MAP3K6: variants seen among roughly 807,000 people sequenced by gnomAD.
MAP3K6 encodes the protein apoptosis signal-regulating kinase 2.
In MAP3K6, 105 loss-of-function variants were observed where a neutral mutation model predicts 147.1. The observed-to-expected ratio is 0.71, with a 90% CI of 0.61 to 0.84. The LOEUF (loss-of-function observed/expected upper bound fraction) is 0.84, where lower values mean the gene tolerates loss of function less well. Among genes scored for constraint, MAP3K6 ranks in the 40% least tolerant of loss-of-function variants. The pLI is 0.00. For synonymous variants in MAP3K6, 695 were observed against 732.4 expected, an observed-to-expected ratio of 0.95 and a Z score of 0.82; for missense variants, 1,569 against 1,715.0, an observed-to-expected ratio of 0.91 and a Z score of 1.50.
Position 27,363,766 on chromosome 1 carries a change from T to C in MAP3K6, c.864+151A>G, listed in dbSNP as rs1428257358. On this transcript the variant is annotated intron_variant, in intron 5 of 28. Coordinates refer to ENST00000357582, the MANE Select transcript of MAP3K6 (RefSeq NM_004672.5). ...GCCCCAGGAGGCAGCGACATGCTCA[T>C]CCTCTCTAACAAATAAGGAGGCCAA... The C allele has an allele frequency of 1.3e-5, 11 of 870,408 alleles. No individual in the cohort carries two copies. The East Asian group carries it at 3.0e-4, about 23-fold the overall frequency. 53.9% of individuals were successfully genotyped at this position (870,408 alleles called of 1,614,324 possible). A position where few individuals can be genotyped will look rare whatever the true frequency, so the allele number is the denominator to read the frequency against.
intron 13 of MAP3K6, 33 bp downstream of exon 13, chr1:27,361,124 C>T (rs763838125): frequency 3.2e-6 from 5 of 1,575,144 alleles, no homozygotes; most frequent in South Asian, 1.2e-5. Flanking sequence ...CATCCTGGCC[C>T]TCAGAGTACC....
chr1:27,364,504 G>C lies in MAP3K6; in HGVS notation c.505-110C>G. The C allele has an allele frequency of 6.5e-7, 1 of 1,538,818 alleles. No individual in the cohort carries two copies. The highest frequency in any genetic ancestry group is 9.0e-7 in the Non-Finnish European group (1 of 1,114,040). ...CAGTGGGAATTGGAATCGCAGGAAA[G>C]GGGCACCCGTCATGAGAGGAGGCAA... is the stretch of plus-strand genomic sequence containing the variant. On this transcript the variant is annotated intron_variant, in intron 3 of 28. Transcript: ENST00000357582. This position sits in a 1 kb window ranked among gnomAD's most constrained non-coding sequence, Gnocchi z 4.4.
At position 27,359,781 on chromosome 1, in the gene MAP3K6, T is replaced by G. The variant is rs964246149; in HGVS notation, c.2319+77A>C. On this transcript the variant is annotated intron_variant, in intron 17 of 28. Coordinates refer to ENST00000357582, the MANE Select transcript of MAP3K6 (RefSeq NM_004672.5). This position sits in a 1 kb window ranked among gnomAD's most constrained non-coding sequence, Gnocchi z 4.4. ...ACAGGTCTGCTCACTTAATCTAAAC[T>G]GCCAGCCTGCGTCTGGGACCATGTT... 11 of 1,595,334 alleles carry G rather than the reference T, an allele frequency of 6.9e-6. No homozygotes were observed. Among genetic ancestry groups the G allele is most frequent in the Non-Finnish European group, 9.4e-6 (11 of 1,167,136 alleles).
intron 5 of MAP3K6, 131 bp from the exon 6 acceptor site, chr1:27,363,679 G>A: frequency 1.2e-6 from 1 of 802,646 alleles, no homozygotes. Flanking sequence ...AGGCCCAGCG[G>A]ACACACCTCA....
Position 27,360,782 on chromosome 1 carries a change from A to G in MAP3K6, c.1977T>C (p.Tyr659=), listed in dbSNP as rs1454711371. 1.2e-6 allele frequency: 2 copies of G among 1,612,522 alleles called. No individual in the cohort carries two copies. The highest frequency in any genetic ancestry group is 1.1e-5 in the South Asian group (1 of 91,082). Reference sequence around the variant, plus strand: ...GATCGCGGCCCGCGTACACCACCCCATACGTGCCCTTGCCCAGCACCAGCC... The same window carrying G: ...GATCGCGGCCCGCGTACACCACCCCGTACGTGCCCTTGCCCAGCACCAGCC... ...GERLVLGKGT[Y]GVVYAGRDRH... Residue 659 remains tyrosine (Y), a synonymous_variant, in exon 15 of 29, where the codon TAT becomes TAC. Coordinates refer to ENST00000357582, the MANE Select transcript of MAP3K6 (RefSeq NM_004672.5). This position sits in a 1 kb window ranked among gnomAD's most constrained non-coding sequence, Gnocchi z 4.5.
In MAP3K6 at chr1:27,360,061, G is replaced by A. The variant is rs1232338802; in HGVS notation, c.2183-67C>T. ...CTCCAGCCCACATCTCTCTGCTCAA[G>A]GCCCAGACACACCCATGTTGTAGCC... On this transcript the variant is annotated intron_variant, in intron 16 of 28. Transcript: ENST00000357582. This position sits in a 1 kb window ranked among gnomAD's most constrained non-coding sequence, Gnocchi z 4.5. 12 of 1,604,258 alleles carry A rather than the reference G, an allele frequency of 7.5e-6. No individual in the cohort carries two copies. Among genetic ancestry groups the A allele is most frequent in the Non-Finnish European group, 1.0e-5 (12 of 1,173,790 alleles).
chr1:27,357,818 TCAGCC>T lies in MAP3K6; in HGVS notation c.2969_2973del (p.Gly990GlufsTer146). Reference sequence around the variant, plus strand: ...CGCTTGCTCTCCTGGTGCAGCAGGCTCAGCCCCGAACTCTCCTCCGGAGACGCAGG... The same window carrying T: ...CGCTTGCTCTCCTGGTGCAGCAGGCTCCGAACTCTCCTCCGGAGACGCAGG... On this transcript the variant is annotated frameshift_variant, in exon 22 of 29. Transcript: ENST00000357582. LOFTEE classifies it high-confidence loss of function. The T allele has an allele frequency of 6.2e-7, 1 of 1,604,186 alleles. No homozygotes were observed. The highest frequency in any genetic ancestry group is 8.5e-7 in the Non-Finnish European group (1 of 1,177,242).
intron 1 of MAP3K6, 116 bp from the exon 2 acceptor site, chr1:27,365,028 G>C: frequency 8.7e-7 from 1 of 1,151,076 alleles, no homozygotes; most frequent in South Asian, 1.6e-5. Context: ...GTCTGGTTCT[G>C]CTTTGGGCTT....
rs1232401190 is a variant in MAP3K6 at position 27,362,097 on chromosome 1, G to C, written c.1409C>G (p.Pro470Arg). The change falls in exon 9 of 29, where the codon CCC becomes CGC. Residue 470 changes from proline (P) to arginine (R), a missense_variant. Coordinates refer to ENST00000357582, the MANE Select transcript of MAP3K6 (RefSeq NM_004672.5). ...TGCAGAGGGGGCCACCTACCATATG[G>C]GGGCATTGAGCTTATACAGCTGCTC... ...AAEQLYKLNA[P>R]IWYLVSVMET... 1.9e-6 allele frequency: 3 copies of C among 1,610,306 alleles called. No homozygotes were observed. The highest frequency in any genetic ancestry group is 2.5e-6 in the Non-Finnish European group (3 of 1,178,004).
intron 23 of MAP3K6, 36 bp from the exon 24 acceptor site, chr1:27,357,150 G>T: frequency 6.4e-7 from 1 of 1,570,690 alleles, no homozygotes; most frequent in Non-Finnish European, 8.8e-7. Context: ...AGACAGCTGA[G>T]CCTCAACTAG....
rs1408806523 is a variant in MAP3K6, at chr1:27,366,208, C to CCAGG, written c.340+46_340+49dup. ...CCTTCGAGCCCGGCTTGGTCCCCTC[C>CCAGG]CAGGACCCTGAGTCCCGCCCGGATC... On this transcript the variant is annotated intron_variant, in intron 1 of 28. Transcript: ENST00000357582. This position sits in a 1 kb window ranked among gnomAD's most constrained non-coding sequence, Gnocchi z 5.5. 1 of 1,273,810 alleles carries CCAGG rather than the reference C, an allele frequency of 7.9e-7. No homozygotes were observed. Among genetic ancestry groups the CCAGG allele is most frequent in the African/African-American group, 1.6e-5 (1 of 64,318 alleles). The allele number at this position is 1,273,810 out of a possible 1,614,324, so 78.9% of individuals were successfully genotyped here. A position where few individuals can be genotyped will look rare whatever the true frequency, so the allele number is the denominator to read the frequency against.
chr1:27,356,149 G>A, intron 26 of MAP3K6, 50 bp from the exon 27 acceptor site: 2 of 1,542,796 alleles, frequency 1.3e-6, no homozygotes, highest in Non-Finnish European at 1.8e-6. Context: ...CCTGCTAGAA[G>A]CTGCCTCGAA....
intron 24 of MAP3K6, 22 bp from the exon 25 acceptor site, chr1:27,356,771 T>G (rs1208659731): frequency 2.6e-6 from 4 of 1,535,064 alleles, no homozygotes; most frequent in Non-Finnish European, 3.5e-6. Flanking sequence ...TGCGGTGAAC[T>G]CAGGCAAGGC....
At position 27,364,568 on chromosome 1, in the gene MAP3K6, T is replaced by C; in HGVS notation, c.504+93A>G. 1 of 1,584,428 alleles carries C rather than the reference T, an allele frequency of 6.3e-7. No homozygotes were observed. Among genetic ancestry groups the C allele is most frequent in the Admixed American group, 1.7e-5 (1 of 59,888 alleles). On this transcript the variant is annotated intron_variant, in intron 3 of 28. Coordinates refer to ENST00000357582, the MANE Select transcript of MAP3K6 (RefSeq NM_004672.5). The surrounding 1 kb of genome is among the most constrained non-coding windows in gnomAD (Gnocchi z 4.4). Reference sequence around the variant, plus strand: ...AATACTTGGGATGTCAGTGGGGGGTTAGGTGACTGAGGAGGCCAGGGGGAT... The same window carrying C: ...AATACTTGGGATGTCAGTGGGGGGTCAGGTGACTGAGGAGGCCAGGGGGAT...
Position 27,366,225 on chromosome 1 carries a change from G to T in MAP3K6, c.340+33C>A, listed in dbSNP as rs2015975314. The T allele has an allele frequency of 3.9e-6, 5 of 1,285,022 alleles. No homozygotes were observed. Among genetic ancestry groups the T allele is most frequent in the East Asian group, 3.1e-5 (1 of 32,070 alleles). The allele number at this position is 1,285,022 out of a possible 1,614,324, so 79.6% of individuals were successfully genotyped here. On this transcript the variant is annotated intron_variant, in intron 1 of 28. Coordinates refer to ENST00000357582, the MANE Select transcript of MAP3K6 (RefSeq NM_004672.5). This position sits in a 1 kb window ranked among gnomAD's most constrained non-coding sequence, Gnocchi z 5.5. The stretch of plus-strand genomic sequence containing the variant: ...GTCCCCTCCCAGGACCCTGAGTCCC[G>T]CCCGGATCCGGCCCCGCCCCCAGCG...
chr1:27,364,697 G>C lies in MAP3K6; in HGVS notation c.481-13C>G, dbSNP rs770205551. 1.2e-6 allele frequency: 2 copies of C among 1,614,084 alleles called. No homozygotes were observed. The highest frequency in any genetic ancestry group is 1.7e-6 in the Non-Finnish European group (2 of 1,180,040). On this transcript the variant is annotated splice_polypyrimidine_tract_variant and intron_variant, in intron 2 of 28. Transcript: ENST00000357582. The surrounding 1 kb of genome is among the most constrained non-coding windows in gnomAD (Gnocchi z 4.4). ...GGAAAACATCCTCCTGCAGGAGGCAGACAGTCAGATACTGGTGTTCTGTGT... is the reference window on the plus strand; with the variant it reads ...GGAAAACATCCTCCTGCAGGAGGCACACAGTCAGATACTGGTGTTCTGTGT...
Position 27,364,720 on chromosome 1 carries a change from T to C in MAP3K6, c.481-36A>G, listed in dbSNP as rs2015914000. 1 of 1,613,974 alleles carries C rather than the reference T, an allele frequency of 6.2e-7. No individual in the cohort carries two copies. Among genetic ancestry groups the C allele is most frequent in the Non-Finnish European group, 8.5e-7 (1 of 1,180,012 alleles). ...CAGACAGTCAGATACTGGTGTTCTGTGTAGGCCTTACCCCAGCCCTGTGCC... is the reference window on the plus strand; with the variant it reads ...CAGACAGTCAGATACTGGTGTTCTGCGTAGGCCTTACCCCAGCCCTGTGCC... On this transcript the variant is annotated intron_variant, in intron 2 of 28. Transcript: ENST00000357582. This position sits in a 1 kb window ranked among gnomAD's most constrained non-coding sequence, Gnocchi z 4.4.
intron 23 of MAP3K6, 130 bp downstream of exon 23, chr1:27,357,270 T>C: frequency 1.5e-6 from 2 of 1,378,882 alleles, no homozygotes; most frequent in Non-Finnish European, 1.0e-6. Context: ...GGCAGACGGT[T>C]TTTTGCTGCA....
chr1:27,359,010 CA>C lies in MAP3K6; in HGVS notation c.2426-145del. Reference sequence around the variant, plus strand: ...ATACCTCAACACCTATCCTGGTCATCAAACATCTATCCTGAGTTCCATCACC... The same window carrying C: ...ATACCTCAACACCTATCCTGGTCATCAACATCTATCCTGAGTTCCATCACC... On this transcript the variant is annotated intron_variant, in intron 18 of 28. Coordinates refer to ENST00000357582, the MANE Select transcript of MAP3K6 (RefSeq NM_004672.5). The surrounding 1 kb of genome is among the most constrained non-coding windows in gnomAD (Gnocchi z 4.4). 1.2e-6 allele frequency: 1 copy of C among 840,192 alleles called. No individual in the cohort carries two copies. Among genetic ancestry groups the C allele is most frequent in the South Asian group, 1.8e-5 (1 of 55,690 alleles). The allele number at this position is 840,192 out of a possible 1,614,324, so 52.0% of individuals were successfully genotyped here.
Sources: gnomAD v4.1 joint callset for allele counts on GRCh38, gnomAD v4.1.1 for gene constraint, Gnocchi (gnomAD v3.1) non-coding constraint, MANE v1.5 for transcripts, NCBI Gene and HGNC (gene_info 2026-07-23, HGNC 2026-07-21) for gene names.